The following SCRIB variants were observed in gnomAD, a reference collection of about 807,000 sequenced individuals.
SCRIB encodes the protein protein scribble homolog.
A neutral mutation model predicts 170.0 loss-of-function variants in SCRIB; 72 were observed. The ratio of observed to expected loss-of-function variants is 0.42; its 90% CI spans 0.35 to 0.52. The LOEUF (loss-of-function observed/expected upper bound fraction) is 0.52, where lower values mean the gene tolerates loss of function less well. SCRIB is among the 20% of genes least tolerant of loss of function. The probability of loss-of-function intolerance (pLI) is 0.02; values close to 1 mark genes in which losing one functional copy is unlikely to be tolerated. For synonymous variants in SCRIB, 1,298 were observed against 1,044.3 expected, an observed-to-expected ratio of 1.24 and a Z score of -4.68; for missense variants, 2,475 against 2,338.5, an observed-to-expected ratio of 1.06 and a Z score of -1.20.
chr8:143,811,662 C>T (rs1055077709), intron 9 of SCRIB, among the ~76,000 whole-genome samples: 2 of 152,040 alleles, frequency 1.3e-5, no homozygotes, highest in African/African-American at 4.8e-5. Flanking sequence ...CTGTCTGGTG[C>T]CCCACTGGTC....
In SCRIB at chr8:143,791,878, G is replaced by A; in HGVS notation, c.4693C>T (p.Leu1565=). 2.0e-6 allele frequency: 3 copies of A among 1,526,706 alleles called. No individual in the cohort carries two copies. Among genetic ancestry groups the A allele is most frequent in the Admixed American group, 2.1e-5 (1 of 47,128 alleles). The allele number at this position is 1,526,706 out of a possible 1,614,324, so 94.6% of individuals were successfully genotyped here. A position where few individuals can be genotyped will look rare whatever the true frequency, so the allele number is the denominator to read the frequency against. Residue 1565 remains leucine, a splice_region_variant and synonymous_variant, in exon 34 of 37, where the codon CTG becomes TTG. Coordinates refer to ENST00000356994, the MANE Select transcript of SCRIB (RefSeq NM_182706.5). The stretch of plus-strand genomic sequence containing the variant: ...AGGCATAGCCACCGGCTCCTCACCA[G>A]GCGTCCCGGGGAGGTGCTGGTCTGG... ...GPQTSTSPGR[L]PLSGKKFDYR...
chr8:143,803,451 T>C lies in SCRIB; in HGVS notation c.3535A>G (p.Ser1179Gly), dbSNP rs377693795. The change falls in exon 24 of 37, where the codon AGT (serine) becomes GGT (glycine). Residue 1179 changes from serine (S) to glycine (G), a missense_variant. Around this residue, in one of 3 missense-constraint regions of SCRIB, gnomAD observed 1,966 missense variants for 1,742.9 expected, o/e 1.13. Coordinates refer to ENST00000356994, the MANE Select transcript of SCRIB (RefSeq NM_182706.5). Reference sequence around the variant, plus strand: ...AGCACGGTGAGGGTGTCGCCCACACTGCGGAGCAGCTGCACCGCCTCGCCG... The same window carrying C: ...AGCACGGTGAGGGTGTCGCCCACACCGCGGAGCAGCTGCACCGCCTCGCCG... ...THGEAVQLLR[S>G]VGDTLTVLVC... 106 of 1,597,682 alleles carry C rather than the reference T, an allele frequency of 6.6e-5. No homozygotes were observed. The highest frequency in any genetic ancestry group is 8.6e-5 in the Non-Finnish European group (101 of 1,178,320).
In SCRIB at chr8:143,813,018, A is replaced by G. The variant is rs766167551; in HGVS notation, c.642+12T>C. 6 of 1,604,608 alleles carry G rather than the reference A, an allele frequency of 3.7e-6. No individual in the cohort carries two copies. The East Asian group carries it at 9.0e-5, about 24-fold the overall frequency. On this transcript the variant is annotated intron_variant, in intron 7 of 36. Coordinates refer to ENST00000356994, the MANE Select transcript of SCRIB (RefSeq NM_182706.5). ...GGGCACGAAGCAGGGGGCCAGCCCCACCCTGACTCACCGGGGGCAGTGCTG... is the reference window on the plus strand; with the variant it reads ...GGGCACGAAGCAGGGGGCCAGCCCCGCCCTGACTCACCGGGGGCAGTGCTG...
At position 143,815,477 on chromosome 8, in the gene SCRIB, G is replaced by A. The variant is rs1305089085; in HGVS notation, c.-105C>T. 9.7e-7 allele frequency: 1 copy of A among 1,030,024 alleles called. No homozygotes were observed. Among genetic ancestry groups the A allele is most frequent in the Non-Finnish European group, 1.2e-6 (1 of 860,160 alleles). The allele number at this position is 1,030,024 out of a possible 1,614,324, so 63.8% of individuals were successfully genotyped here. Reference sequence around the variant, plus strand: ...CGCCGCGCATGGGGAGGGGGCGCAGGCAGGGGGCGGGCCGCCCGAGACTGG... The same window carrying A: ...CGCCGCGCATGGGGAGGGGGCGCAGACAGGGGGCGGGCCGCCCGAGACTGG... On this transcript the variant is annotated 5_prime_UTR_variant, in exon 1 of 37. Transcript: ENST00000356994.
Position 143,810,814 on chromosome 8 carries a change from C to A in SCRIB, c.1276G>T (p.Asp426Tyr). 6.2e-7 allele frequency: 1 copy of A among 1,601,432 alleles called. No homozygotes were observed. The highest frequency in any genetic ancestry group is 8.5e-7 in the Non-Finnish European group (1 of 1,176,476). Reference protein sequence around the residue: ...LPQQPPPSLEDAGQQGSLSET... With the variant: ...LPQQPPPSLEYAGQQGSLSET... ...GAGAGGCTCCCCTGCTGCCCAGCATCCTCTGCAGCAGGTGAGCGTCAGGAC... is the reference window on the plus strand; with the variant it reads ...GAGAGGCTCCCCTGCTGCCCAGCATACTCTGCAGCAGGTGAGCGTCAGGAC... Residue 426 changes from aspartate to tyrosine, a missense_variant and splice_region_variant, in exon 12 of 37, where the codon GAT becomes TAT. By Grantham distance (160) the Asp-to-Tyr change is radical. This residue lies in a region of SCRIB where 1,966 missense variants were observed against 1,742.9 expected (regional missense o/e 1.13). Coordinates refer to ENST00000356994, the MANE Select transcript of SCRIB (RefSeq NM_182706.5).
At position 143,791,757 on chromosome 8, in the gene SCRIB, G is replaced by C; in HGVS notation, c.4696-17C>G. The C allele has an allele frequency of 6.3e-7, 1 of 1,586,282 alleles. No homozygotes were observed. The highest frequency in any genetic ancestry group is 8.6e-7 in the Non-Finnish European group (1 of 1,157,932). The stretch of plus-strand genomic sequence containing the variant: ...AGACAAGGGCTTGAAAGGACAGCGT[G>C]AGGGGAGAGGCAGAGAGTGAGAGGA... On this transcript the variant is annotated splice_polypyrimidine_tract_variant and intron_variant, in intron 34 of 36. Coordinates refer to ENST00000356994, the MANE Select transcript of SCRIB (RefSeq NM_182706.5).
At chr8:143,814,306 C>T (rs906625993) in intron 1 of SCRIB, among the ~76,000 whole-genome samples, 188 bp from the exon 2 acceptor site, 36 of 152,114 alleles carry the variant, frequency 2.4e-4, no homozygotes, top group African/African-American at 8.5e-4. Flanking sequence ...GTACACACGC[C>T]CACTGTGGCT....
rs1816066761 is a variant in SCRIB at position 143,815,697 on chromosome 8, C to T, written c.-325G>A. 2 of 983,622 alleles carry T rather than the reference C, an allele frequency of 2.0e-6. No individual in the cohort carries two copies. The highest frequency in any genetic ancestry group is 1.7e-5 in the African/African-American group (1 of 57,148). 60.9% of individuals were successfully genotyped at this position (983,622 alleles called of 1,614,324 possible). On this transcript the variant is annotated 5_prime_UTR_variant, in exon 1 of 37. Coordinates refer to ENST00000356994, the MANE Select transcript of SCRIB (RefSeq NM_182706.5). Reference sequence around the variant, plus strand: ...CGCTCGTCCGCCCGCTGTGCCGCACCGGAACCGCCGCTGCCCGCCGGACTG... The same window carrying T: ...CGCTCGTCCGCCCGCTGTGCCGCACTGGAACCGCCGCTGCCCGCCGGACTG...
intron 25 of SCRIB, 33 bp downstream of exon 25, chr8:143,795,387 G>GC: frequency 6.2e-7 from 1 of 1,612,674 alleles, no homozygotes; most frequent in Non-Finnish European, 8.5e-7. Context: ...GGGCTCCCTG[G>GC]CCCTGGGGCT....
At chr8:143,797,397 T>C (rs529341077) in intron 24 of SCRIB, among the ~76,000 whole-genome samples, 1 of 152,034 alleles carries the variant, frequency 6.6e-6, no homozygotes, top group South Asian at 2.1e-4. Context: ...AGCTGCCTGA[T>C]GAGTATGGCA....
rs1012081462 is a variant in SCRIB at position 143,815,470 on chromosome 8, G to A, written c.-98C>T. 24 of 1,061,160 alleles carry A rather than the reference G, an allele frequency of 2.3e-5. 1 individual carries two copies. Among genetic ancestry groups the A allele is most frequent in the Middle Eastern group, 4.2e-4 (1 of 2,360 alleles). 65.7% of individuals were successfully genotyped at this position (1,061,160 alleles called of 1,614,324 possible). A position where few individuals can be genotyped will look rare whatever the true frequency, so the allele number is the denominator to read the frequency against. ...GCATGGGCGCCGCGCATGGGGAGGG[G>A]GCGCAGGCAGGGGGCGGGCCGCCCG... is the stretch of plus-strand genomic sequence containing the variant. On this transcript the variant is annotated 5_prime_UTR_variant, in exon 1 of 37. Coordinates refer to ENST00000356994, the MANE Select transcript of SCRIB (RefSeq NM_182706.5).
intron 1 of SCRIB, 146 bp from the exon 2 acceptor site, chr8:143,814,264 C>A (rs911111353): frequency 1.5e-6 from 1 of 649,852 alleles, no homozygotes; most frequent in Non-Finnish European, 2.7e-6. Context: ...AACCACGACA[C>A]CCCATTTGCA....
At chr8:143,805,480 A>AATACGTG in intron 18 of SCRIB, 45 bp from the exon 19 acceptor site, 1 of 1,432,578 alleles carries the variant, frequency 7.0e-7, no homozygotes, top group Non-Finnish European at 9.2e-7. Flanking sequence ...CAGTGCCGCC[A>AATACGTG]CAGACAGCCA....
chr8:143,807,470 G>A (rs1815479749), intron 16 of SCRIB, 82 bp downstream of exon 16: 1 of 1,110,022 alleles, frequency 9.0e-7, no homozygotes, highest in African/African-American at 1.5e-5. Flanking sequence ...CAAGCAACAG[G>A]GGCGGGGAGA....
chr8:143,809,431 G>C, intron 14 of SCRIB, 120 bp downstream of exon 14: 1 of 1,171,246 alleles, frequency 8.5e-7, no homozygotes, highest in Non-Finnish European at 1.2e-6. Context: ...GCAGCTCCCC[G>C]AAGCATCAGC....
At chr8:143,799,785 G>T (rs1815096012) in intron 24 of SCRIB, among the ~76,000 whole-genome samples, 1 of 144,156 alleles carries the variant, frequency 6.9e-6, no homozygotes. Context: ...CGTAGGCTCT[G>T]ACAGACAGAC....
chr8:143,804,859 G>C lies in SCRIB; in HGVS notation c.2752-34C>G, dbSNP rs553145864. The C allele has an allele frequency of 2.0e-6, 3 of 1,530,762 alleles. No homozygotes were observed. In the East Asian group the frequency reaches 7.3e-5, roughly 37 times the overall value. 94.8% of individuals were successfully genotyped at this position (1,530,762 alleles called of 1,614,324 possible). A position where few individuals can be genotyped will look rare whatever the true frequency, so the allele number is the denominator to read the frequency against. On this transcript the variant is annotated intron_variant, in intron 20 of 36. Coordinates refer to ENST00000356994, the MANE Select transcript of SCRIB (RefSeq NM_182706.5). ...GCGTGCCCGAATCAGGGAGGCCCAA[G>C]GGCAGAAGGGGACAGAGGGCGCGGG...
chr8:143,807,280 C>G (rs1250426333), intron 16 of SCRIB, among the ~76,000 whole-genome samples: 1 of 152,206 alleles, frequency 6.6e-6, no homozygotes, highest in Non-Finnish European at 1.5e-5. Flanking sequence ...CCCCTGCCAC[C>G]CTCGAGTGAG....
intron 24 of SCRIB, among the ~76,000 whole-genome samples, chr8:143,796,196 A>G (rs1473365831): frequency 6.6e-6 from 1 of 152,282 alleles, no homozygotes; most frequent in African/African-American, 2.4e-5. Flanking sequence ...GCCTGGGGTT[A>G]ACACGGGCAG....
Sources: gnomAD v4.1 joint callset for allele counts (sites outside exome capture counted in the v4.1 genomes callset) on GRCh38, gnomAD v4.1.1 for gene constraint, gnomAD v4.1.1 regional missense constraint, MANE v1.5 for transcripts, NCBI Gene and HGNC (gene_info 2026-07-23, HGNC 2026-07-21) for gene names.